DNAH8: variants seen among roughly 807,000 people sequenced by gnomAD.
DNAH8 encodes the protein dynein axonemal heavy chain 8.
A neutral mutation model predicts 562.1 loss-of-function variants in DNAH8; 382 were observed. The observed-to-expected ratio is 0.68, with a 90% CI of 0.63 to 0.74. The LOEUF is 0.74. Ranked by LOEUF, DNAH8 falls within the 30% of genes least tolerant of loss-of-function variation. The probability of loss-of-function intolerance (pLI) is 0.00; values close to 1 mark genes in which losing one functional copy is unlikely to be tolerated. For synonymous variants in DNAH8, 1,881 were observed against 1,919.4 expected (o/e 0.98, Z 0.52); for missense variants, 5,203 against 5,620.4 (o/e 0.93, Z 2.37).
chr6:38,830,185 C>T (rs1209015788), intron 30 of DNAH8, among the ~76,000 whole-genome samples: 2 of 152,062 alleles, frequency 1.3e-5, no homozygotes, highest in Non-Finnish European at 2.9e-5. Flanking sequence ...TTTCTTCTTG[C>T]TCTGGGTTTA....
intron 62 of DNAH8, among the ~76,000 whole-genome samples, 156 bp from the exon 63 acceptor site, chr6:38,906,097 TG>T (rs1780453022): frequency 6.6e-6 from 1 of 151,784 alleles, no homozygotes; most frequent in Admixed American, 6.6e-5. Context: ...TTAGTAGAGA[TG>T]GGGTTTCACC....
At chr6:38,877,679 C>T (rs1778129880) in intron 53 of DNAH8, among the ~76,000 whole-genome samples, 1 of 152,220 alleles carries the variant, frequency 6.6e-6, no homozygotes, top group Non-Finnish European at 1.5e-5. Context: ...ACTCATTCTT[C>T]ATCCATCCTT....
intron 18 of DNAH8, among the ~76,000 whole-genome samples, 176 bp from the exon 19 acceptor site, chr6:38,789,625 CAG>C (rs1467812379): frequency 6.6e-6 from 1 of 152,088 alleles, no homozygotes; most frequent in East Asian, 1.9e-4. Context: ...AGGAGATGCT[CAG>C]GTAATTTACA....
rs1778668430 is a variant in DNAH8, at chr6:38,883,470, T to C, written c.8136+14T>C. ...ATGATGTTTCAGGTGAAATCCATCA[T>C]TTGCTGTAATATTATAAACATAATA... On this transcript the variant is annotated intron_variant, in intron 55 of 92. Coordinates refer to ENST00000327475, the MANE Select transcript of DNAH8 (RefSeq NM_001206927.2). 1 of 1,603,538 alleles carries C rather than the reference T, an allele frequency of 6.2e-7. No individual in the cohort carries two copies. The highest frequency in any genetic ancestry group is 8.5e-7 in the Non-Finnish European group (1 of 1,175,654).
rs1767461265 is a variant in DNAH8, at chr6:38,770,488, G to T, written c.1693G>T (p.Glu565Ter). 1 of 1,607,128 alleles carries T rather than the reference G, an allele frequency of 6.2e-7. No homozygotes were observed. ...GAAACTGATTTCAGAATCCTCAGGG[G>T]AAAAATCTTTTGAGGTTTCAGAAAT... The part of the protein sequence containing the change: ...TRKLISESSG[E>*]KSFEVSEMYI... The change falls in exon 12 of 93, where the codon GAA (glutamate) becomes TAA (stop). Residue 565 changes from glutamate to a stop codon, truncating the protein, a stop_gained. Coordinates refer to ENST00000327475, the MANE Select transcript of DNAH8 (RefSeq NM_001206927.2). LOFTEE classifies it high-confidence loss of function.
Position 38,917,948 on chromosome 6 carries a change from G to A in DNAH8, c.10332G>A (p.Leu3444=). The A allele has an allele frequency of 6.2e-7, 1 of 1,613,294 alleles. No individual in the cohort carries two copies. The change falls in exon 70 of 93, where the codon CTG becomes CTA. Residue 3444 remains leucine, a synonymous_variant. Transcript: ENST00000327475. ...SLKLMSATGF[L]WSLQQFPKDT... ...AGTTGATGAGTGCAACAGGATTCCT[G>A]TGGAGCCTTCAGCAGTTCCCTAAGG...
At chr6:38,924,274 A>G in intron 73 of DNAH8, 112 bp downstream of exon 73, 2 of 1,011,928 alleles carry the variant, frequency 2.0e-6, no homozygotes, top group Admixed American at 2.3e-5. Context: ...GCACTTTGGG[A>G]GGCTGAGGAG....
intron 79 of DNAH8, among the ~76,000 whole-genome samples, chr6:38,941,747 T>C (rs907007515): frequency 2.0e-5 from 3 of 152,158 alleles, no homozygotes; most frequent in African/African-American, 7.2e-5. Flanking sequence ...TATTGTATGA[T>C]GCTGAGCAGG....
At chr6:38,957,565 G>C (rs1762325790) in intron 82 of DNAH8, among the ~76,000 whole-genome samples, 1 of 150,828 alleles carries the variant, frequency 6.6e-6, no homozygotes, top group African/African-American at 2.4e-5. Flanking sequence ...CTTGAGGATA[G>C]ATCATATATG....
intron 48 of DNAH8, among the ~76,000 whole-genome samples, chr6:38,869,280 C>T (rs1777288375): frequency 6.6e-6 from 1 of 152,134 alleles, no homozygotes; most frequent in Non-Finnish European, 1.5e-5. Context: ...CCATAATCAC[C>T]ATCAGCTGAG....
intron 11 of DNAH8, among the ~76,000 whole-genome samples, chr6:38,766,830 A>G (rs1380676022): frequency 6.6e-6 from 1 of 152,124 alleles, no homozygotes; most frequent in African/African-American, 2.4e-5. Flanking sequence ...TATAATTTTT[A>G]TTTGTCAATT....
rs1236779450 is a variant in DNAH8, at chr6:38,715,780, G to A, written c.-35+365G>A. Among the ~76,000 whole-genome samples, 3 of 146,668 alleles carry A rather than the reference G, an allele frequency of 2.0e-5. 1 individual carries two copies. The highest frequency in any genetic ancestry group is 3.9e-4 in the East Asian group (2 of 5,132). ...TCAGAAGGGGAAGGGTGGGAGGGGGGTGAGGGATGAAACAACTACATATCG... is the reference window on the plus strand; with the variant it reads ...TCAGAAGGGGAAGGGTGGGAGGGGGATGAGGGATGAAACAACTACATATCG... On this transcript the variant is annotated intron_variant, in intron 1 of 92. Transcript: ENST00000327475.
intron 31 of DNAH8, among the ~76,000 whole-genome samples, chr6:38,833,646 A>T (rs1774036384): frequency 6.6e-6 from 1 of 152,206 alleles, no homozygotes; most frequent in Admixed American, 6.5e-5. Flanking sequence ...GAATAGACCA[A>T]AGAAGACAAC....
chr6:38,817,442 C>T (rs1259130735), intron 26 of DNAH8, among the ~76,000 whole-genome samples: 2 of 152,190 alleles, frequency 1.3e-5, no homozygotes, highest in African/African-American at 4.8e-5. Context: ...ACTAACATTG[C>T]TTTCTCAGCT....
At chr6:38,905,151 C>T (rs1393665325) in intron 62 of DNAH8, among the ~76,000 whole-genome samples, 1 of 152,160 alleles carries the variant, frequency 6.6e-6, no homozygotes, top group East Asian at 1.9e-4. Flanking sequence ...TTTCTGGTTC[C>T]AGGGCTCATA....
intron 86 of DNAH8, among the ~76,000 whole-genome samples, chr6:38,983,310 C>T (rs1028157686): frequency 6.6e-6 from 1 of 152,162 alleles, no homozygotes; most frequent in Admixed American, 6.5e-5. Context: ...CAGAGTAGGG[C>T]TTCAAGGTAA....
At chr6:38,847,639 A>G (rs757187630) in intron 36 of DNAH8, among the ~76,000 whole-genome samples, 1 of 152,102 alleles carries the variant, frequency 6.6e-6, no homozygotes, top group Non-Finnish European at 1.5e-5. Context: ...AAAAAACCCC[A>G]TTCTACATGT....
At chr6:38,912,647 T>C (rs1314263032) in intron 66 of DNAH8, among the ~76,000 whole-genome samples, 4 of 152,206 alleles carry the variant, frequency 2.6e-5, no homozygotes, top group Non-Finnish European at 4.4e-5. Context: ...CAACTCATAG[T>C]GGCTTTTGAG....
intron 21 of DNAH8, among the ~76,000 whole-genome samples, chr6:38,799,893 G>T (rs770257492): frequency 1.3e-5 from 2 of 152,098 alleles, no homozygotes; most frequent in Non-Finnish European, 2.9e-5. Context: ...CTTTCTCTTA[G>T]TGGAGTGTTT....
Sources: gnomAD v4.1 joint callset for allele counts (sites outside exome capture counted in the v4.1 genomes callset) on GRCh38, gnomAD v4.1.1 for gene constraint, MANE v1.5 for transcripts, NCBI Gene and HGNC (gene_info 2026-07-23, HGNC 2026-07-21) for gene names.